LCMT1: variants seen among roughly 807,000 people sequenced by gnomAD.
LCMT1 encodes the protein leucine carboxyl methyltransferase 1, also known as [Phosphatase 2A protein]-leucine-carboxy methyltransferase 1.
LCMT1 carries 32 observed loss-of-function variants against 47.7 expected under a neutral mutation model. The ratio of observed to expected loss-of-function variants is 0.67; its 90% CI spans 0.51 to 0.90. LCMT1 has a LOEUF of 0.90. Among genes scored for constraint, LCMT1 ranks in the 40% least tolerant of loss-of-function variants. The pLI, the probability that LCMT1 is intolerant of heterozygous loss-of-function variation, is 0.00. For synonymous variants in LCMT1, 152 were observed against 149.7 expected, an observed-to-expected ratio of 1.02 and a Z score of -0.11; for missense variants, 375 against 415.2, an observed-to-expected ratio of 0.90 and a Z score of 0.84.
intron 3 of LCMT1, among the ~76,000 whole-genome samples, chr16:25,134,032 TAAAA>T (rs781659291): frequency 1.6e-5 from 2 of 126,180 alleles, no homozygotes; most frequent in African/African-American, 2.9e-5. Flanking sequence ...CTTCGTCTCT[TAAAA>T]AAAAAAAAAA....
At chr16:25,118,440 G>A (rs12149205) in intron 1 of LCMT1, among the ~76,000 whole-genome samples, 38,542 of 152,030 alleles carry the variant, frequency 0.25, 4,980 homozygotes, top group East Asian at 0.35. Flanking sequence ...CGCCTGCTTC[G>A]GTTATGGAGG....
chr16:25,111,984 C>A lies in LCMT1; in HGVS notation c.101C>A (p.Ser34Tyr). The A allele has an allele frequency of 6.2e-7, 1 of 1,612,796 alleles. No individual in the cohort carries two copies. Among genetic ancestry groups the A allele is most frequent in the Non-Finnish European group, 8.5e-7 (1 of 1,179,148 alleles). ...EGVRGTCEDA[S>Y]LCKRFAVSIG... ...GTGCGCGGCACCTGCGAAGATGCTT[C>A]CCTGTGCAAGAGGTGCCTGTCGGGC... Residue 34 changes from serine (S) to tyrosine (Y), a missense_variant, in exon 1 of 11, where the codon TCC (serine) becomes TAC (tyrosine). Physicochemically the swap from Ser to Tyr is moderately radical, Grantham distance 144. Transcript: ENST00000399069.
chr16:25,146,060 GGGGGCATAC>G (rs1256922834), intron 4 of LCMT1: 4 of 152,194 alleles, frequency 2.6e-5, no homozygotes, highest in Non-Finnish European at 5.9e-5. Context: ...GGACATTCCG[GGGGGCATAC>G]AGAAATGAGG....
intron 8 of LCMT1, chr16:25,169,471 G>T (rs1007679587): frequency 3.0e-6 from 1 of 335,690 alleles, no homozygotes. Flanking sequence ...AGAGGGAATG[G>T]TGAAATAAAC....
chr16:25,117,563 A>C (rs1363266492), intron 1 of LCMT1, among the ~76,000 whole-genome samples: 1 of 152,082 alleles, frequency 6.6e-6, no homozygotes, highest in African/African-American at 2.4e-5. Flanking sequence ...TATTCAGTTC[A>C]CAAGTTAAGG....
intron 1 of LCMT1, among the ~76,000 whole-genome samples, chr16:25,120,922 A>AT (rs56817833): frequency 0.028 from 2,697 of 97,380 alleles, 52 homozygotes; most frequent in African/African-American, 0.034. Context: ...CTGATTTTGT[A>AT]TTTTTTTTTT....
At chr16:25,125,875 T>A (rs1960160489) in intron 1 of LCMT1, 1 of 283,886 alleles carries the variant, frequency 3.5e-6, no homozygotes, top group African/African-American at 2.3e-5. Context: ...ATAATAATAG[T>A]TTTGTTGCCA....
chr16:25,157,819 T>C (rs992469132), intron 5 of LCMT1, among the ~76,000 whole-genome samples: 1 of 152,208 alleles, frequency 6.6e-6, no homozygotes, highest in Non-Finnish European at 1.5e-5. Context: ...GTAGCAGGCA[T>C]TGGGCTAGGC....
chr16:25,122,164 G>C (rs1960010547), intron 1 of LCMT1, among the ~76,000 whole-genome samples: 1 of 152,280 alleles, frequency 6.6e-6, no homozygotes, highest in South Asian at 2.1e-4. Context: ...TCAGTAGTCT[G>C]TCTCTTTCCT....
intron 6 of LCMT1, among the ~76,000 whole-genome samples, chr16:25,163,559 G>A (rs1051980898): frequency 7.9e-5 from 12 of 151,200 alleles, no homozygotes; most frequent in African/African-American, 2.7e-4. Flanking sequence ...GCAAATAATC[G>A]AGATTCTGTC....
At chr16:25,159,750 G>C (rs774372204) in intron 5 of LCMT1, among the ~76,000 whole-genome samples, 1 of 152,098 alleles carries the variant, frequency 6.6e-6, no homozygotes, top group African/African-American at 2.4e-5. Context: ...TGATAAATGA[G>C]AACCTATTTA....
intron 1 of LCMT1, among the ~76,000 whole-genome samples, chr16:25,118,052 A>G (rs1417677892): frequency 6.6e-6 from 1 of 152,078 alleles, no homozygotes; most frequent in Non-Finnish European, 1.5e-5. Context: ...TAGTCTCCCA[A>G]ATGGGCTCTC....
At chr16:25,156,735 A>C (rs1012905163) in intron 5 of LCMT1, among the ~76,000 whole-genome samples, 1 of 152,104 alleles carries the variant, frequency 6.6e-6, no homozygotes, top group African/African-American at 2.4e-5. Flanking sequence ...AATACCCTGA[A>C]CTTCTCTGTA....
At chr16:25,140,927 T>C (rs1960667724) in intron 4 of LCMT1, 2 of 151,856 alleles carry the variant, frequency 1.3e-5, no homozygotes, top group Non-Finnish European at 2.9e-5. Context: ...CTATCTCTAT[T>C]TCCCCCTGAG....
At chr16:25,126,875 C>G (rs924236344) in intron 1 of LCMT1, among the ~76,000 whole-genome samples, 5 of 152,146 alleles carry the variant, frequency 3.3e-5, no homozygotes, top group Non-Finnish European at 4.4e-5. Flanking sequence ...TTCTAAGGTC[C>G]CTTCTGATCC....
intron 4 of LCMT1, chr16:25,141,822 A>C (rs1441165442): frequency 1.3e-5 from 2 of 152,232 alleles, no homozygotes; most frequent in Non-Finnish European, 2.9e-5. Flanking sequence ...GGGAGGCTTG[A>C]TGTCCTTTTA....
chr16:25,149,582 C>G (rs1267385447), intron 4 of LCMT1, among the ~76,000 whole-genome samples: 1 of 152,128 alleles, frequency 6.6e-6, no homozygotes, highest in Non-Finnish European at 1.5e-5. Flanking sequence ...ATTTTTATGT[C>G]TTTTGTTTAC....
chr16:25,176,443 GC>G (rs1018614458), intron 10 of LCMT1, among the ~76,000 whole-genome samples: 45 of 151,476 alleles, frequency 3.0e-4, no homozygotes, highest in African/African-American at 1.1e-3. Context: ...CTGATAATCA[GC>G]CCCTTTGGAC....
At chr16:25,125,397 T>C (rs1220510701) in intron 1 of LCMT1, among the ~76,000 whole-genome samples, 2 of 152,198 alleles carry the variant, frequency 1.3e-5, no homozygotes, top group African/African-American at 4.8e-5. Context: ...GAAATGGGAT[T>C]GTGTGGTCAT....
Sources: allele counts gnomAD v4.1 joint callset (sites outside exome capture counted in the v4.1 genomes callset), GRCh38; gene constraint gnomAD v4.1.1; transcripts MANE v1.5; gene names NCBI Gene and HGNC (gene_info 2026-07-23, HGNC 2026-07-21).